Variants in PRUNE2 observed in about 807,000 individuals in gnomAD.
PRUNE2 encodes the protein prune homolog 2 with BCH domain.
PRUNE2 carries 164 observed loss-of-function variants against 252.0 expected under a neutral mutation model. The ratio of observed to expected loss-of-function variants is 0.65; its 90% CI spans 0.57 to 0.74. PRUNE2 has a LOEUF of 0.74. Ranked by LOEUF, PRUNE2 falls within the 30% of genes least tolerant of loss-of-function variation. The pLI is 0.00. For synonymous variants in PRUNE2, 1,292 were observed against 1,350.2 expected (o/e 0.96, Z 0.94); for missense variants, 3,495 against 3,711.0 (o/e 0.94, Z 1.51).
intron 9 of PRUNE2, among the ~76,000 whole-genome samples, chr9:76,666,024 T>G (rs761892188): frequency 6.6e-6 from 1 of 152,206 alleles, no homozygotes; most frequent in Non-Finnish European, 1.5e-5. Context: ...GAATCTTCAC[T>G]CTATAATCAT....
chr9:76,701,549 T>A (rs528686601), intron 9 of PRUNE2, among the ~76,000 whole-genome samples: 38 of 152,232 alleles, frequency 2.5e-4, no homozygotes, highest in African/African-American at 7.7e-4. Context: ...GAGCTCAATC[T>A]ATAACAATGC....
intron 6 of PRUNE2, 97 bp from the exon 7 acceptor site, chr9:76,713,818 A>C: frequency 1.3e-6 from 1 of 757,560 alleles, no homozygotes; most frequent in Non-Finnish European, 2.0e-6. Flanking sequence ...TATTTAGGAG[A>C]GATATTTATT....
chr9:76,769,762 CTT>C (rs2052887518), intron 6 of PRUNE2, among the ~76,000 whole-genome samples: 2 of 152,060 alleles, frequency 1.3e-5, no homozygotes, highest in Non-Finnish European at 2.9e-5. Context: ...TGTAGGAGAG[CTT>C]ATCAAAGTAG....
At chr9:76,624,129 A>G (rs1833638314) in intron 17 of PRUNE2, among the ~76,000 whole-genome samples, 2 of 152,326 alleles carry the variant, frequency 1.3e-5, no homozygotes, top group Middle Eastern at 3.4e-3. Context: ...CTGTTGCCTC[A>G]ATACCTAATG....
intron 1 of PRUNE2, among the ~76,000 whole-genome samples, chr9:76,895,913 A>G (rs765823713): frequency 2.6e-5 from 4 of 152,124 alleles, no homozygotes; most frequent in Non-Finnish European, 2.9e-5. Flanking sequence ...CCTCCTGAGT[A>G]GCTGGGACTA....
At chr9:76,837,239 T>G (rs112742116) in intron 4 of PRUNE2, among the ~76,000 whole-genome samples, 3 of 151,980 alleles carry the variant, frequency 2.0e-5, no homozygotes, top group African/African-American at 4.8e-5. Flanking sequence ...GTGAAGCGAT[T>G]GAGACCATCC....
At chr9:76,733,435 G>T (rs1225588395) in intron 6 of PRUNE2, among the ~76,000 whole-genome samples, 3 of 151,954 alleles carry the variant, frequency 2.0e-5, no homozygotes, top group South Asian at 2.1e-4. Context: ...TTGAGACAGG[G>T]TCTCACTCTG....
chr9:76,714,373 G>C (rs2046973740), intron 6 of PRUNE2, among the ~76,000 whole-genome samples: 1 of 152,086 alleles, frequency 6.6e-6, no homozygotes, highest in East Asian at 1.9e-4. Flanking sequence ...GCTGCTTCAA[G>C]TTTTATTTAC....
intron 1 of PRUNE2, among the ~76,000 whole-genome samples, chr9:76,884,988 A>G (rs1285914732): frequency 6.6e-6 from 1 of 152,218 alleles, no homozygotes; most frequent in Non-Finnish European, 1.5e-5. Context: ...CAGTAAGAGG[A>G]AACAGAAACA....
chr9:76,624,394 T>G (rs1833772391), intron 17 of PRUNE2, 58 bp downstream of exon 17: 8 of 1,241,096 alleles, frequency 6.4e-6, no homozygotes, highest in Non-Finnish European at 8.5e-6. Context: ...TTTTCCCAAT[T>G]CAGTTCTGAA....
At chr9:76,649,583 C>A (rs770277723) in intron 11 of PRUNE2, among the ~76,000 whole-genome samples, 48 of 145,070 alleles carry the variant, frequency 3.3e-4, no homozygotes, top group Non-Finnish European at 6.3e-4. Flanking sequence ...GAGGGCCTGT[C>A]TTAAAGTATA....
intron 1 of PRUNE2, among the ~76,000 whole-genome samples, chr9:76,890,311 G>A (rs898711970): frequency 3.3e-5 from 5 of 152,178 alleles, no homozygotes; most frequent in African/African-American, 4.8e-5. Flanking sequence ...CTATGCTGAA[G>A]GGGGAGTGAT....
chr9:76,869,459 CTCTT>C lies in PRUNE2; in HGVS notation c.37-15255_37-15252del, dbSNP rs575803960. Among the ~76,000 whole-genome samples the C allele has an allele frequency of 8.5e-5, 13 of 152,296 alleles. No homozygotes were observed. In the East Asian group the frequency reaches 1.5e-3, roughly 18 times the overall value. On this transcript the variant is annotated intron_variant, in intron 1 of 18. Coordinates refer to ENST00000376718, the MANE Select transcript of PRUNE2 (RefSeq NM_015225.3). ...CCAGGTGACCTCTCAGGATCGTTCT[CTCTT>C]TCTCTCTCTCTCTCTTTCAAAATAT...
At position 76,850,490 on chromosome 9, in the gene PRUNE2, G is replaced by A. The variant is rs1564435281; in HGVS notation, c.317C>T (p.Thr106Ile). 6.2e-7 allele frequency: 1 copy of A among 1,613,998 alleles called. No individual in the cohort carries two copies. Residue 106 changes from threonine (T) to isoleucine (I), a missense_variant, in exon 3 of 19, where the codon ACA (threonine) becomes ATA (isoleucine). Coordinates refer to ENST00000376718, the MANE Select transcript of PRUNE2 (RefSeq NM_015225.3). ...CGCCAGCACACTGCTGCCAACAAGT[G>A]TTATCGATAACTTCCCTTCATCATT... ...QLNDEGKLSI[T>I]LVGSSVLASE...
At chr9:76,822,187 T>C (rs1005435935) in intron 6 of PRUNE2, among the ~76,000 whole-genome samples, 1 of 152,194 alleles carries the variant, frequency 6.6e-6, no homozygotes, top group African/African-American at 2.4e-5. Flanking sequence ...ATTTGTTGAA[T>C]TGATTCACAT....
chr9:76,826,502 C>T lies in PRUNE2; in HGVS notation c.661+78G>A, dbSNP rs1041195888. ...ACAAACAAAGAAACAAATATACCTT[C>T]TCAGGTCTGATGATGCTCCATGCCA... On this transcript the variant is annotated intron_variant, in intron 5 of 18. Coordinates refer to ENST00000376718, the MANE Select transcript of PRUNE2 (RefSeq NM_015225.3). 8 of 1,046,232 alleles carry T rather than the reference C, an allele frequency of 7.6e-6. No individual in the cohort carries two copies. In the African/African-American group the frequency reaches 1.1e-4, roughly 15 times the overall value. The allele number at this position is 1,046,232 out of a possible 1,614,324, so 64.8% of individuals were successfully genotyped here. A position where few individuals can be genotyped will look rare whatever the true frequency, so the allele number is the denominator to read the frequency against.
intron 9 of PRUNE2, chr9:76,691,958 C>G: frequency 1.5e-6 from 1 of 661,752 alleles, no homozygotes; most frequent in South Asian, 1.7e-5. Context: ...CATCCCCCTC[C>G]CGTCTCCCCC....
intron 6 of PRUNE2, among the ~76,000 whole-genome samples, chr9:76,747,322 T>C (rs576370481): frequency 6.6e-6 from 1 of 152,308 alleles, no homozygotes; most frequent in Non-Finnish European, 1.5e-5. Context: ...TTTTCTGTCT[T>C]TAAAACCAGA....
chr9:76,826,962 G>C (rs1467079890), intron 4 of PRUNE2, among the ~76,000 whole-genome samples: 1 of 151,996 alleles, frequency 6.6e-6, no homozygotes, highest in Non-Finnish European at 1.5e-5. Context: ...ACTGACCCTA[G>C]CATACTCTAT....
Sources: gnomAD v4.1 joint callset for allele counts (sites outside exome capture counted in the v4.1 genomes callset) on GRCh38, gnomAD v4.1.1 for gene constraint, MANE v1.5 for transcripts, NCBI Gene and HGNC (gene_info 2026-07-23, HGNC 2026-07-21) for gene names.